RNF220: variants seen among roughly 807,000 people sequenced by gnomAD.
The protein encoded by RNF220 is ring finger protein 220, also known as E3 ubiquitin-protein ligase RNF220.
In RNF220, 7 loss-of-function variants were observed where a neutral mutation model predicts 67.1. The observed-to-expected ratio is 0.10, with a 90% CI of 0.06 to 0.20. RNF220 has a LOEUF of 0.20. Among genes scored for constraint, RNF220 ranks in the 10% least tolerant of loss-of-function variants. The pLI is 1.00. For synonymous variants in RNF220, 270 were observed against 283.2 expected, an observed-to-expected ratio of 0.95 and a Z score of 0.47; for missense variants, 565 against 740.3, an observed-to-expected ratio of 0.76 and a Z score of 2.75.
At chr1:44,538,890 T>A (rs1661447570) in intron 2 of RNF220, among the ~76,000 whole-genome samples, 1 of 123,026 alleles carries the variant, frequency 8.1e-6, no homozygotes, top group African/African-American at 3.2e-5. Flanking sequence ...CACTCCAGCC[T>A]GGGCGACAGA....
At chr1:44,409,870 G>T (rs1028321383) in intron 1 of RNF220, among the ~76,000 whole-genome samples, 1 of 151,738 alleles carries the variant, frequency 6.6e-6, no homozygotes, top group African/African-American at 2.4e-5. Context: ...TGTGAGGAGA[G>T]GGTAAGAAAG....
At chr1:44,623,225 G>T (rs986647945) in intron 4 of RNF220, among the ~76,000 whole-genome samples, 1 of 148,090 alleles carries the variant, frequency 6.8e-6, no homozygotes, top group Non-Finnish European at 1.5e-5. Flanking sequence ...GTGTGTGCGT[G>T]TGTGTGTGTT....
intron 2 of RNF220, among the ~76,000 whole-genome samples, chr1:44,585,620 A>G (rs1020383281): frequency 6.6e-6 from 1 of 152,178 alleles, no homozygotes; most frequent in Non-Finnish European, 1.5e-5. Flanking sequence ...GTGGGATCCT[A>G]GGGGCTGGTG....
chr1:44,609,824 A>G (rs2148418670), intron 2 of RNF220, among the ~76,000 whole-genome samples: 1 of 152,336 alleles, frequency 6.6e-6, no homozygotes, highest in Non-Finnish European at 1.5e-5. Flanking sequence ...GTTGTCCAGC[A>G]GGAAAGGTAT....
intron 2 of RNF220, among the ~76,000 whole-genome samples, chr1:44,527,950 A>AAAAAAAAAG (rs1439140210): frequency 6.7e-6 from 1 of 149,404 alleles, no homozygotes; most frequent in Non-Finnish European, 1.5e-5. Context: ...AAAAAAAAAA[A>AAAAAAAAAG]AGTTAAATGC....
chr1:44,631,909 G>A (rs1384527182), intron 5 of RNF220: 2 of 985,992 alleles, frequency 2.0e-6, no homozygotes, highest in Admixed American at 6.1e-5. Flanking sequence ...CTGTCCGGCC[G>A]CCCCCGCCGC....
rs1172205583 is a variant in RNF220, at chr1:44,565,498, G to A, written c.626-48667G>A. Among the ~76,000 whole-genome samples the A allele has an allele frequency of 2.0e-5, 3 of 152,170 alleles. No homozygotes were observed. The highest frequency in any genetic ancestry group is 2.0e-4 in the Admixed American group (3 of 15,280). On this transcript the variant is annotated intron_variant, in intron 2 of 14. Transcript: ENST00000361799. The surrounding 1 kb of genome is among the most constrained non-coding windows in gnomAD (Gnocchi z 4.2). The stretch of plus-strand genomic sequence containing the variant: ...TAGGAAGTGCAGGCTGGGGACAGCA[G>A]GCAGGAAGCAGTGGGCCCATTCCTC...
At chr1:44,635,029 A>AT (rs1020953362) in intron 6 of RNF220, among the ~76,000 whole-genome samples, 1 of 152,140 alleles carries the variant, frequency 6.6e-6, no homozygotes, top group African/African-American at 2.4e-5. Context: ...ATTCTTCCTG[A>AT]TAAGATTCTA....
At chr1:44,425,368 C>T (rs975370660) in intron 2 of RNF220, among the ~76,000 whole-genome samples, 4 of 152,014 alleles carry the variant, frequency 2.6e-5, no homozygotes, top group Non-Finnish European at 5.9e-5. Context: ...AGCGTGTCCC[C>T]TCACGTAGTG....
rs149307856 is a variant in RNF220 at position 44,464,647 on chromosome 1, T to C, written c.625+51925T>C. 5.8e-3 allele frequency among the ~76,000 whole-genome samples: 880 copies of C among 152,298 alleles called. 6 individuals are homozygous for C. The highest frequency in any genetic ancestry group is 0.02 in the African/African-American group (844 of 41,558). On this transcript the variant is annotated intron_variant, in intron 2 of 14. Transcript: ENST00000361799. ...AGCTAATATGCCACAATAGCTATTATATCAAAGAAACAGCAACTTTCCTCA... is the reference window on the plus strand; with the variant it reads ...AGCTAATATGCCACAATAGCTATTACATCAAAGAAACAGCAACTTTCCTCA...
intron 2 of RNF220, among the ~76,000 whole-genome samples, chr1:44,458,363 A>G (rs1479608987): frequency 1.3e-5 from 2 of 148,504 alleles, no homozygotes; most frequent in Non-Finnish European, 3.0e-5. Flanking sequence ...TACTAATATC[A>G]TAATGGTTAG....
intron 5 of RNF220, 198 bp downstream of exon 5, chr1:44,626,596 T>C (rs1301036610): frequency 1.0e-5 from 6 of 583,876 alleles, no homozygotes; most frequent in Non-Finnish European, 1.8e-5. Context: ...AATAGATGGA[T>C]TTTAGGGAGA....
chr1:44,492,159 G>A (rs770095578), intron 2 of RNF220, among the ~76,000 whole-genome samples: 3 of 152,086 alleles, frequency 2.0e-5, no homozygotes, highest in Non-Finnish European at 2.9e-5. Flanking sequence ...GCAAACCCAC[G>A]AAAAATATTC....
rs548380495 is a variant in RNF220, at chr1:44,536,704, C to A, written c.626-77461C>A. ...AAAAGGCCCCCCTCTGCTGCTGCCGCCACCAACACCTTTCTTTATTCCGCC... is the reference window on the plus strand; with the variant it reads ...AAAAGGCCCCCCTCTGCTGCTGCCGACACCAACACCTTTCTTTATTCCGCC... On this transcript the variant is annotated intron_variant, in intron 2 of 14. Transcript: ENST00000361799. Among the ~76,000 whole-genome samples the A allele has an allele frequency of 4.7e-4, 72 of 152,330 alleles. 1 individual carries two copies. The highest frequency in any genetic ancestry group is 2.2e-3 in the Admixed American group (33 of 15,296).
chr1:44,614,357 G>A lies in RNF220; in HGVS notation c.758+60G>A, dbSNP rs531608767. 2.1e-5 allele frequency: 34 copies of A among 1,584,500 alleles called. 1 individual carries two copies. Among genetic ancestry groups the A allele is most frequent in the Middle Eastern group, 2.0e-4 (1 of 4,968 alleles). ...GAGTCCACTCAGGGTTCTGGCCACC[G>A]GATCCCAGAAGCAGCCGCCTGGCCC... is the stretch of plus-strand genomic sequence containing the variant. On this transcript the variant is annotated intron_variant, in intron 3 of 14. Coordinates refer to ENST00000361799, the MANE Select transcript of RNF220 (RefSeq NM_018150.4).
intron 2 of RNF220, among the ~76,000 whole-genome samples, chr1:44,462,682 A>C (rs1653894645): frequency 6.6e-6 from 1 of 152,218 alleles, no homozygotes; most frequent in Admixed American, 6.5e-5. Flanking sequence ...AGAAAAATGA[A>C]GTATAGATGC....
chr1:44,645,656 ACT>A lies in RNF220; in HGVS notation c.1445+171_1445+172del, dbSNP rs1347587318. Among the ~76,000 whole-genome samples the A allele has an allele frequency of 2.0e-5, 3 of 152,006 alleles. No individual in the cohort carries two copies. The highest frequency in any genetic ancestry group is 1.9e-4 in the East Asian group (1 of 5,160). On this transcript the variant is annotated intron_variant, in intron 12 of 14. Transcript: ENST00000361799. The surrounding 1 kb of genome is among the most constrained non-coding windows in gnomAD (Gnocchi z 5.0). ...TGGAGCCCAGCTGGTGCTAAGCGTG[ACT>A]CTGTGAATTGATCACTGGGCCACGG...
intron 2 of RNF220, among the ~76,000 whole-genome samples, chr1:44,449,968 T>C (rs1652499169): frequency 6.6e-6 from 1 of 152,164 alleles, no homozygotes; most frequent in Non-Finnish European, 1.5e-5. Flanking sequence ...TCCCAGCACT[T>C]TGGGAGGCCG....
At chr1:44,638,828 C>A (rs577885302) in intron 8 of RNF220, among the ~76,000 whole-genome samples, 98 of 152,196 alleles carry the variant, frequency 6.4e-4, no homozygotes, top group African/African-American at 2.1e-3. Flanking sequence ...GAGGTAGGTC[C>A]CACTGGAAAC....
Sources: allele counts gnomAD v4.1 joint callset (sites outside exome capture counted in the v4.1 genomes callset), GRCh38; gene constraint gnomAD v4.1.1; non-coding constraint Gnocchi (gnomAD v3.1); transcripts MANE v1.5; gene names NCBI Gene and HGNC (gene_info 2026-07-23, HGNC 2026-07-21).